Variants in SOCS4 observed in about 807,000 individuals in gnomAD.
SOCS4 encodes SH2 domain containing SOCS box protein.
Under a neutral mutation model 34.1 loss-of-function variants are expected in SOCS4, and 20 were observed. That is an observed-to-expected ratio of 0.59 (90% CI 0.41 to 0.85). The LOEUF is 0.85. SOCS4 is among the 40% of genes least tolerant of loss of function. The pLI is 0.00. For missense variants in SOCS4, 479 were observed against 532.4 expected (o/e 0.90, Z 0.99); for synonymous variants, 180 against 186.4 (o/e 0.97, Z 0.28).
Position 55,043,099 on chromosome 14 carries a change from CGGA to C in SOCS4, c.60_62del (p.Ser21del), listed in dbSNP as rs757886012. ...TGTAGATGTAAGGCCCAAAACTAGT[CGGA>C]GCAGAAGTGCCGACAGAAAAGACGG... On this transcript the variant is annotated inframe_deletion, in exon 3 of 3. Coordinates refer to ENST00000555846, the MANE Select transcript of SOCS4 (RefSeq NM_199421.2). 6.2e-6 allele frequency: 10 copies of C among 1,613,804 alleles called. No homozygotes were observed. The Admixed American group carries it at 6.7e-5, about 11-fold the overall frequency.
chr14:55,038,463 G>T (rs1314087434), intron 2 of SOCS4, among the ~76,000 whole-genome samples: 1 of 152,172 alleles, frequency 6.6e-6, no homozygotes, highest in Non-Finnish European at 1.5e-5. Flanking sequence ...TATCAGCTTT[G>T]ACAGATCTTT....
Position 55,042,893 on chromosome 14 carries a change from T to C in SOCS4, c.-90-59T>C, listed in dbSNP as rs1254188664. The C allele has an allele frequency of 6.0e-6, 4 of 671,422 alleles. No individual in the cohort carries two copies. In the East Asian group the frequency reaches 1.1e-4, roughly 19 times the overall value. 41.6% of individuals were successfully genotyped at this position (671,422 alleles called of 1,614,324 possible). ...CCTCTTGTGTCTAATAGAAGCTTAA[T>C]ATGTAAACTAGACAAGGTAGATGAC... is the stretch of plus-strand genomic sequence containing the variant. On this transcript the variant is annotated intron_variant, in intron 2 of 2. Transcript: ENST00000555846.
Position 55,042,087 on chromosome 14 carries a change from A to G in SOCS4, c.-90-865A>G, listed in dbSNP as rs2042625205. Among the ~76,000 whole-genome samples, 3 of 152,088 alleles carry G rather than the reference A, an allele frequency of 2.0e-5. No homozygotes were observed. In the South Asian group the frequency reaches 6.2e-4, roughly 32 times the overall value. ...TGCTAGTATTACCACCTCCCCTGGCAACCCTAAATCTTATTCTGCATAAGA... is the reference window on the plus strand; with the variant it reads ...TGCTAGTATTACCACCTCCCCTGGCGACCCTAAATCTTATTCTGCATAAGA... On this transcript the variant is annotated intron_variant, in intron 2 of 2. Coordinates refer to ENST00000555846, the MANE Select transcript of SOCS4 (RefSeq NM_199421.2).
chr14:55,030,375 A>G (rs527714948), intron 1 of SOCS4, among the ~76,000 whole-genome samples: 6 of 152,290 alleles, frequency 3.9e-5, no homozygotes, highest in South Asian at 4.1e-4. Flanking sequence ...CTTTTTAAAA[A>G]TAATATATTT....
intron 1 of SOCS4, among the ~76,000 whole-genome samples, chr14:55,029,936 A>G (rs138249215): frequency 6.6e-6 from 1 of 152,296 alleles, no homozygotes; most frequent in African/African-American, 2.4e-5. Flanking sequence ...GACAGCCAGT[A>G]TTTGATTCTT....
rs141025734 is a variant in SOCS4, at chr14:55,034,159, A to G, written c.-91+2168A>G. On this transcript the variant is annotated intron_variant, in intron 2 of 2. Coordinates refer to ENST00000555846, the MANE Select transcript of SOCS4 (RefSeq NM_199421.2). ...AACAAACAAACAAAAAGATATAAAC[A>G]GTACACTGAAAGTTAATAAAGAAAT... Among the ~76,000 whole-genome samples the G allele has an allele frequency of 8.9e-3, 1,348 of 152,242 alleles. 17 individuals carry two copies. The highest frequency in any genetic ancestry group is 0.03 in the African/African-American group (1,257 of 41,550).
chr14:55,032,627 C>T (rs2042537898), intron 2 of SOCS4, among the ~76,000 whole-genome samples: 1 of 152,090 alleles, frequency 6.6e-6, no homozygotes, highest in African/African-American at 2.4e-5. Flanking sequence ...CCAAAGCAGC[C>T]TTTTCCCAAG....
rs759003019 is a variant in SOCS4 at position 55,043,791 on chromosome 14, T to A, written c.750T>A (p.Asp250Glu). ...GAAAAAGAAACAAACCCAAATGGGA[T>A]TTGGATGATGAAATCCTGCAGTTGG... ...SSRKRNKPKW[D>E]LDDEILQLET... Residue 250 changes from aspartate to glutamate, a missense_variant, in exon 3 of 3, where the codon GAT becomes GAA. Transcript: ENST00000555846. The A allele has an allele frequency of 3.7e-6, 6 of 1,613,968 alleles. No individual in the cohort carries two copies. In the East Asian group the frequency reaches 1.3e-4, roughly 36 times the overall value.
intron 2 of SOCS4, among the ~76,000 whole-genome samples, chr14:55,041,558 A>G (rs2042618405): frequency 6.6e-6 from 1 of 151,216 alleles, no homozygotes; most frequent in South Asian, 2.1e-4. Flanking sequence ...AGCCCACTGC[A>G]ACCTCTGCCT....
rs138641199 is a variant in SOCS4, at chr14:55,038,351, A to G, written c.-90-4601A>G. Among the ~76,000 whole-genome samples the G allele has an allele frequency of 2.4e-3, 358 of 152,308 alleles. 1 individual carries two copies. Among genetic ancestry groups the G allele is most frequent in the African/African-American group, 8.3e-3 (345 of 41,560 alleles). On this transcript the variant is annotated intron_variant, in intron 2 of 2. Coordinates refer to ENST00000555846, the MANE Select transcript of SOCS4 (RefSeq NM_199421.2). ...CTTTCATAGTTTAGAGTGTACAGCT[A>G]TGTTGCCTGGAAGCTGTGTGTGAGT... is the stretch of plus-strand genomic sequence containing the variant.
chr14:55,031,077 T>A (rs2042524844), intron 1 of SOCS4, among the ~76,000 whole-genome samples: 1 of 152,192 alleles, frequency 6.6e-6, no homozygotes, highest in Non-Finnish European at 1.5e-5. Context: ...CATATATTGT[T>A]TTTATCATAA....
intron 1 of SOCS4, among the ~76,000 whole-genome samples, chr14:55,031,618 A>G (rs1173906195): frequency 6.6e-6 from 1 of 152,230 alleles, no homozygotes; most frequent in African/African-American, 2.4e-5. Flanking sequence ...TTAGGAAAGC[A>G]TGGAAAAAGT....
At position 55,049,140 on chromosome 14, in the gene SOCS4, GAT is replaced by G. The variant is rs2042703586; in HGVS notation, c.*4778_*4779del. ...GTTGATTACGTTTTCAGAAAATAAA[GAT>G]AATCACTTTTGCCATGGTTATAATC... On this transcript the variant is annotated 3_prime_UTR_variant, in exon 3 of 3. Coordinates refer to ENST00000555846, the MANE Select transcript of SOCS4 (RefSeq NM_199421.2). 6.0e-6 allele frequency: 1 copy of G among 166,830 alleles called. No homozygotes were observed. Among genetic ancestry groups the G allele is most frequent in the African/African-American group, 2.4e-5 (1 of 41,458 alleles). 10.3% of individuals were successfully genotyped at this position (166,830 alleles called of 1,614,324 possible). A position where few individuals can be genotyped will look rare whatever the true frequency, so the allele number is the denominator to read the frequency against.
chr14:55,043,579 A>C lies in SOCS4; in HGVS notation c.538A>C (p.Asn180His). Residue 180 changes from asparagine to histidine, a missense_variant, in exon 3 of 3, where the codon AAT (asparagine) becomes CAT (histidine). Physicochemically the swap from Asn to His is moderately conservative, Grantham distance 68. Transcript: ENST00000555846. ...GAGGGATGGTCAGCTAAAACGAAGA[A>C]ATATGGAAGAAAATATAAACTGTTT... The part of the protein sequence containing the change: ...ELRDGQLKRR[N>H]MEENINCFSH... 6.2e-7 allele frequency: 1 copy of C among 1,614,204 alleles called. No individual in the cohort carries two copies. The highest frequency in any genetic ancestry group is 8.5e-7 in the Non-Finnish European group (1 of 1,180,026).
intron 1 of SOCS4, among the ~76,000 whole-genome samples, chr14:55,030,016 G>T (rs1219332554): frequency 2.0e-5 from 3 of 152,088 alleles, no homozygotes; most frequent in African/African-American, 7.2e-5. Context: ...TAGAAAAACA[G>T]AAAAGTTGTG....
At chr14:55,029,727 GA>G (rs1297985166) in intron 1 of SOCS4, among the ~76,000 whole-genome samples, 2 of 152,038 alleles carry the variant, frequency 1.3e-5, no homozygotes, top group Non-Finnish European at 2.9e-5. Flanking sequence ...CCAAAGTATT[GA>G]AAAAAGAAAC....
chr14:55,043,515 A>G lies in SOCS4; in HGVS notation c.474A>G (p.Ser158=), dbSNP rs774359836. ...KRHTAPINSK[S]DEWVSTDLSQ... is the part of the protein sequence containing the mutation. ...ACACTGCTCCTATAAATTCCAAATC[A>G]GATGAATGGGTAAGCACAGACTTGT... The change falls in exon 3 of 3, where the codon TCA becomes TCG. Residue 158 remains serine (S), a synonymous_variant. Coordinates refer to ENST00000555846, the MANE Select transcript of SOCS4 (RefSeq NM_199421.2). 2.3e-5 allele frequency: 37 copies of G among 1,614,222 alleles called. No individual in the cohort carries two copies. The highest frequency in any genetic ancestry group is 4.0e-5 in the African/African-American group (3 of 75,070).
At chr14:55,035,447 T>G (rs17128129) in intron 2 of SOCS4, among the ~76,000 whole-genome samples, 2,721 of 152,284 alleles carry the variant, frequency 0.018, 69 homozygotes, top group African/African-American at 0.053. Flanking sequence ...GGATCCTTTT[T>G]CACTTTGAAA....
rs747428600 is a variant in SOCS4, at chr14:55,044,388, G to T, written c.*24G>T. The T allele has an allele frequency of 2.9e-6, 4 of 1,394,724 alleles. No homozygotes were observed. The highest frequency in any genetic ancestry group is 2.6e-5 in the Admixed American group (1 of 37,820). The allele number at this position is 1,394,724 out of a possible 1,614,324, so 86.4% of individuals were successfully genotyped here. On this transcript the variant is annotated 3_prime_UTR_variant, in exon 3 of 3. Coordinates refer to ENST00000555846, the MANE Select transcript of SOCS4 (RefSeq NM_199421.2). Reference sequence around the variant, plus strand: ...AGTAACAGGATGGGAACATGGGAATGATAATATATATTTTTTCTTTTAATA... The same window carrying T: ...AGTAACAGGATGGGAACATGGGAATTATAATATATATTTTTTCTTTTAATA...
Sources: gnomAD v4.1 joint callset for allele counts (sites outside exome capture counted in the v4.1 genomes callset) on GRCh38, gnomAD v4.1.1 for gene constraint, MANE v1.5 for transcripts, NCBI Gene and HGNC (gene_info 2026-07-23, HGNC 2026-07-21) for gene names.